Variants in IGSF3 observed in about 807,000 individuals in gnomAD.
IGSF3 encodes the protein glu-Trp-Ile EWI motif-containing protein 3.
IGSF3 carries 23 observed loss-of-function variants against 114.4 expected under a neutral mutation model. The observed-to-expected ratio is 0.20, with a 90% CI of 0.14 to 0.28. IGSF3 has a LOEUF of 0.28. Among genes scored for constraint, IGSF3 ranks in the 10% least tolerant of loss-of-function variants. The pLI, the probability that IGSF3 is intolerant of heterozygous loss-of-function variation, is 1.00. For missense variants in IGSF3, 1,172 were observed against 1,591.5 expected (o/e 0.74, Z 4.48); for synonymous variants, 571 against 645.2 (o/e 0.88, Z 1.74).
rs1659801825 is a variant in IGSF3, at chr1:116,585,508, T to G, written c.2441-456A>C. ...GCTGGGCCACCAACTACAAAAGAAC[T>G]GCAGGGGAAAGCCAGTTTAATCTGT... On this transcript the variant is annotated intron_variant, in intron 8 of 10. Transcript: ENST00000369486. The surrounding 1 kb of genome is among the most constrained non-coding windows in gnomAD (Gnocchi z 4.9). Among the ~76,000 whole-genome samples, 1 of 152,180 alleles carries G rather than the reference T, an allele frequency of 6.6e-6. No individual in the cohort carries two copies. Among genetic ancestry groups the G allele is most frequent in the Non-Finnish European group, 1.5e-5 (1 of 68,036 alleles).
Position 116,628,868 on chromosome 1 carries a change from A to G in IGSF3, c.44-12411T>C, listed in dbSNP as rs1378543736. Reference sequence around the variant, plus strand: ...TTCTTGAGCATAACTATGACCAGGCAGTAGGCAGTGGGCCCTGCTCATTCT... The same window carrying G: ...TTCTTGAGCATAACTATGACCAGGCGGTAGGCAGTGGGCCCTGCTCATTCT... On this transcript the variant is annotated intron_variant, in intron 2 of 10. Coordinates refer to ENST00000369486, the MANE Select transcript of IGSF3 (RefSeq NM_001007237.3). The surrounding 1 kb of genome is among the most constrained non-coding windows in gnomAD (Gnocchi z 4.2). 6.6e-6 allele frequency among the ~76,000 whole-genome samples: 1 copy of G among 152,204 alleles called. No individual in the cohort carries two copies.
At chr1:116,622,631 C>G (rs1016419912) in intron 2 of IGSF3, among the ~76,000 whole-genome samples, 4 of 152,074 alleles carry the variant, frequency 2.6e-5, no homozygotes, top group African/African-American at 4.8e-5. Flanking sequence ...ATATATTGTT[C>G]TAAACTGAAG....
Position 116,575,216 on chromosome 1 carries a change from T to C in IGSF3, c.*2096A>G, listed in dbSNP as rs749544974. 3.3e-5 allele frequency: 5 copies of C among 152,554 alleles called. No homozygotes were observed. Among genetic ancestry groups the C allele is most frequent in the African/African-American group, 4.8e-5 (2 of 41,416 alleles). The allele number at this position is 152,554 out of a possible 1,614,324, so 9.5% of individuals were successfully genotyped here. On this transcript the variant is annotated 3_prime_UTR_variant, in exon 11 of 11. Transcript: ENST00000369486. This position sits in a 1 kb window ranked among gnomAD's most constrained non-coding sequence, Gnocchi z 5.6. The stretch of plus-strand genomic sequence containing the variant: ...AGCCCACATCTCTGAAATAAAGAAA[T>C]GGGGCAAAAGACCTTCTTTTTTCAT...
Position 116,593,056 on chromosome 1 carries a change from G to A in IGSF3, c.2030-3952C>T, listed in dbSNP as rs1480737860. ...GGAGGAGCAAGTGCTCAGGTGTAGT[G>A]GATGAGGTTAGAAAGGTAAGCTTCG... On this transcript the variant is annotated intron_variant, in intron 7 of 10. Transcript: ENST00000369486. The surrounding 1 kb of genome is among the most constrained non-coding windows in gnomAD (Gnocchi z 4.5). 2.0e-5 allele frequency among the ~76,000 whole-genome samples: 3 copies of A among 152,224 alleles called. No individual in the cohort carries two copies. The highest frequency in any genetic ancestry group is 4.4e-5 in the Non-Finnish European group (3 of 68,044).
chr1:116,603,769 C>T lies in IGSF3; in HGVS notation c.1479G>A (p.Ser493=), dbSNP rs764651572. ...TGCTGTTGAAGATGCCCAGGCTGAA[C>T]GAGTTGGGCTGCACCTGCTCCATCT... is the stretch of plus-strand genomic sequence containing the variant. ...GVQMEQVQPN[S]FSLGIFNSRK... The change falls in exon 6 of 11, where the codon TCG becomes TCA. Residue 493 remains serine (S), a synonymous_variant. Coordinates refer to ENST00000369486, the MANE Select transcript of IGSF3 (RefSeq NM_001007237.3). This position sits in a 1 kb window ranked among gnomAD's most constrained non-coding sequence, Gnocchi z 7.1. 2.7e-5 allele frequency: 44 copies of T among 1,613,896 alleles called. No individual in the cohort carries two copies. Among genetic ancestry groups the T allele is most frequent in the African/African-American group, 5.3e-5 (4 of 74,918 alleles).
chr1:116,575,414 A>C lies in IGSF3; in HGVS notation c.*1898T>G, dbSNP rs1659304380. 1 of 152,762 alleles carries C rather than the reference A, an allele frequency of 6.5e-6. No homozygotes were observed. Among genetic ancestry groups the C allele is most frequent in the Non-Finnish European group, 1.5e-5 (1 of 68,156 alleles). 9.5% of individuals were successfully genotyped at this position (152,762 alleles called of 1,614,324 possible). A position where few individuals can be genotyped will look rare whatever the true frequency, so the allele number is the denominator to read the frequency against. On this transcript the variant is annotated 3_prime_UTR_variant, in exon 11 of 11. Coordinates refer to ENST00000369486, the MANE Select transcript of IGSF3 (RefSeq NM_001007237.3). The surrounding 1 kb of genome is among the most constrained non-coding windows in gnomAD (Gnocchi z 5.6). ...CTGTGTGTCTGTCAGAAAATGGCTG[A>C]GCAATCGCCACCATGCTCCCCTCAG...
At chr1:116,658,449 T>C (rs1220299179) in intron 2 of IGSF3, among the ~76,000 whole-genome samples, 1 of 152,104 alleles carries the variant, frequency 6.6e-6, no homozygotes, top group Non-Finnish European at 1.5e-5. Context: ...GTGCCATTCC[T>C]GGCTCCTCCT....
rs1373650686 is a variant in IGSF3 at position 116,628,451 on chromosome 1, T to C, written c.44-11994A>G. ...TTGTAGATTTTGGGGTCATTTACAA[T>C]GTGCATTTCCCCAACACACTCAGAT... is the stretch of plus-strand genomic sequence containing the variant. On this transcript the variant is annotated intron_variant, in intron 2 of 10. Coordinates refer to ENST00000369486, the MANE Select transcript of IGSF3 (RefSeq NM_001007237.3). The surrounding 1 kb of genome is among the most constrained non-coding windows in gnomAD (Gnocchi z 4.2). Among the ~76,000 whole-genome samples, 3 of 152,180 alleles carry C rather than the reference T, an allele frequency of 2.0e-5. No individual in the cohort carries two copies. Among genetic ancestry groups the C allele is most frequent in the South Asian group, 2.1e-4 (1 of 4,806 alleles).
At chr1:116,653,748 C>T (rs1648733159) in intron 2 of IGSF3, among the ~76,000 whole-genome samples, 1 of 152,146 alleles carries the variant, frequency 6.6e-6, no homozygotes, top group South Asian at 2.1e-4. Context: ...AAAATGAACT[C>T]AGGCCTAGAG....
Position 116,623,911 on chromosome 1 carries a change from C to A in IGSF3, c.44-7454G>T, listed in dbSNP as rs568185950. ...GACCAGCCTGGCCAATATGGTGAAA[C>A]CCTGTCCCTACTGAAAATACAAAAA... On this transcript the variant is annotated intron_variant, in intron 2 of 10. Transcript: ENST00000369486. 3.3e-5 allele frequency among the ~76,000 whole-genome samples: 5 copies of A among 150,812 alleles called. No individual in the cohort carries two copies. The East Asian group carries it at 7.8e-4, about 24-fold the overall frequency.
intron 2 of IGSF3, among the ~76,000 whole-genome samples, chr1:116,630,243 G>A (rs941091077): frequency 5.3e-5 from 8 of 152,182 alleles, no homozygotes; most frequent in African/African-American, 1.4e-4. Context: ...CTCCAGGCAC[G>A]CCCTCCTAAT....
chr1:116,614,851 T>C lies in IGSF3; in HGVS notation c.422-676A>G, dbSNP rs556533725. On this transcript the variant is annotated intron_variant, in intron 3 of 10. Transcript: ENST00000369486. This position sits in a 1 kb window ranked among gnomAD's most constrained non-coding sequence, Gnocchi z 4.5. ...CTCCGTGATCCCTTGGTCAGAATCATACCCTGATCCTTGCTTGCACCTTTC... is the reference window on the plus strand; with the variant it reads ...CTCCGTGATCCCTTGGTCAGAATCACACCCTGATCCTTGCTTGCACCTTTC... 2.5e-4 allele frequency among the ~76,000 whole-genome samples: 38 copies of C among 152,294 alleles called. No individual in the cohort carries two copies. The South Asian group carries it at 4.6e-3, about 18-fold the overall frequency.
chr1:116,646,465 T>G (rs1311100103), intron 2 of IGSF3, among the ~76,000 whole-genome samples: 4 of 152,090 alleles, frequency 2.6e-5, no homozygotes, highest in Admixed American at 2.6e-4. Flanking sequence ...CTCAGCACAA[T>G]ATATTAATAC....
chr1:116,660,412 T>G (rs891283860), intron 2 of IGSF3, among the ~76,000 whole-genome samples: 2 of 151,960 alleles, frequency 1.3e-5, no homozygotes, highest in African/African-American at 4.8e-5. Flanking sequence ...GTGATCTCCC[T>G]GCTTCTGCCT....
At chr1:116,667,081 T>A (rs1451513720) in intron 1 of IGSF3, 125 bp from the exon 2 acceptor site, 2 of 375,932 alleles carry the variant, frequency 5.3e-6, no homozygotes, top group African/African-American at 4.2e-5. Flanking sequence ...CTCTGCATTC[T>A]GACCTTGGGC....
chr1:116,582,236 C>T lies in IGSF3; in HGVS notation c.2849-2359G>A, dbSNP rs1406052624. Among the ~76,000 whole-genome samples, 3 of 152,154 alleles carry T rather than the reference C, an allele frequency of 2.0e-5. No homozygotes were observed. Among genetic ancestry groups the T allele is most frequent in the African/African-American group, 7.2e-5 (3 of 41,432 alleles). The stretch of plus-strand genomic sequence containing the variant: ...GAATCTGCCCCCTTCTAGAATATGC[C>T]AACCCTCCTCCCTGTTTGGACTTAA... On this transcript the variant is annotated intron_variant, in intron 9 of 10. Transcript: ENST00000369486. The surrounding 1 kb of genome is among the most constrained non-coding windows in gnomAD (Gnocchi z 4.7).
Position 116,607,836 on chromosome 1 carries a change from G to C in IGSF3, c.1222+106C>G, listed in dbSNP as rs1263547505. On this transcript the variant is annotated intron_variant, in intron 5 of 10. Coordinates refer to ENST00000369486, the MANE Select transcript of IGSF3 (RefSeq NM_001007237.3). The surrounding 1 kb of genome is among the most constrained non-coding windows in gnomAD (Gnocchi z 6.1). The stretch of plus-strand genomic sequence containing the variant: ...CCCCAGCTCTGCATTAACCTCGAGG[G>C]TTCCATCTGCCTCCCCTCACCTTCA... The C allele has an allele frequency of 6.2e-6, 7 of 1,131,634 alleles. No individual in the cohort carries two copies. The highest frequency in any genetic ancestry group is 9.1e-6 in the Non-Finnish European group (7 of 769,354). The allele number at this position is 1,131,634 out of a possible 1,614,324, so 70.1% of individuals were successfully genotyped here. A position where few individuals can be genotyped will look rare whatever the true frequency, so the allele number is the denominator to read the frequency against.
rs1345761331 is a variant in IGSF3, at chr1:116,618,427, AAC to A, written c.44-1972_44-1971del. On this transcript the variant is annotated intron_variant, in intron 2 of 10. Transcript: ENST00000369486. The surrounding 1 kb of genome is among the most constrained non-coding windows in gnomAD (Gnocchi z 4.7). Reference sequence around the variant, plus strand: ...TGAATAACATTTCAATCAATGAGGAAACACATGTGCAACAGTGATCCTGTAAG... The same window carrying A: ...TGAATAACATTTCAATCAATGAGGAAACATGTGCAACAGTGATCCTGTAAG... 1.3e-5 allele frequency among the ~76,000 whole-genome samples: 2 copies of A among 152,238 alleles called. No individual in the cohort carries two copies. Among genetic ancestry groups the A allele is most frequent in the Non-Finnish European group, 2.9e-5 (2 of 68,038 alleles).
rs1660336056 is a variant in IGSF3, at chr1:116,596,254, G to T, written c.2029+3687C>A. 6.6e-6 allele frequency among the ~76,000 whole-genome samples: 1 copy of T among 152,186 alleles called. No individual in the cohort carries two copies. Among genetic ancestry groups the T allele is most frequent in the African/African-American group, 2.4e-5 (1 of 41,432 alleles). The stretch of plus-strand genomic sequence containing the variant: ...GCATGAGTGAGTCAACAGTCCCTGG[G>T]TTCCTATTTGATTCTGATGGAATAA... On this transcript the variant is annotated intron_variant, in intron 7 of 10. Transcript: ENST00000369486. This position sits in a 1 kb window ranked among gnomAD's most constrained non-coding sequence, Gnocchi z 4.1.
Sources: gnomAD v4.1 joint callset for allele counts (sites outside exome capture counted in the v4.1 genomes callset) on GRCh38, gnomAD v4.1.1 for gene constraint, Gnocchi (gnomAD v3.1) non-coding constraint, MANE v1.5 for transcripts, NCBI Gene and HGNC (gene_info 2026-07-23, HGNC 2026-07-21) for gene names.